Variants in WIPF1 observed in about 807,000 individuals in gnomAD.
WIPF1 encodes WAS/WASL-interacting protein family member 1.
Under a neutral mutation model 35.4 loss-of-function variants are expected in WIPF1, and 13 were observed. The observed-to-expected ratio is 0.37, with a 90% CI of 0.24 to 0.58. The LOEUF is 0.58. Ranked by LOEUF, WIPF1 falls within the 20% of genes least tolerant of loss-of-function variation. WIPF1 has a pLI of 0.74. For missense variants in WIPF1, 591 were observed against 667.0 expected (o/e 0.89, Z 1.25); for synonymous variants, 267 against 266.3 (o/e 1.00, Z -0.02).
chr2:174,564,958 C>T (rs1184319595), intron 7 of WIPF1, among the ~76,000 whole-genome samples: 3 of 150,926 alleles, frequency 2.0e-5, no homozygotes, highest in Admixed American at 6.6e-5. Flanking sequence ...AGTGCAATGG[C>T]GACTTCTGCT....
chr2:174,582,336 G>A (rs774401665), intron 2 of WIPF1, among the ~76,000 whole-genome samples: 2 of 152,244 alleles, frequency 1.3e-5, no homozygotes, highest in Non-Finnish European at 2.9e-5. Flanking sequence ...GGACTTAGAT[G>A]TAGGCACCTG....
At chr2:174,668,086 C>T (rs889593451) in intron 1 of WIPF1, among the ~76,000 whole-genome samples, 5 of 152,196 alleles carry the variant, frequency 3.3e-5, no homozygotes, top group African/African-American at 7.2e-5. Context: ...TTTCCAGCTG[C>T]GTCTCTCACC....
chr2:174,572,030 C>A lies in WIPF1; in HGVS notation c.775G>T (p.Ala259Ser), dbSNP rs1318436983. The A allele has an allele frequency of 6.5e-7, 1 of 1,548,224 alleles. No individual in the cohort carries two copies. Among genetic ancestry groups the A allele is most frequent in the African/African-American group, 1.4e-5 (1 of 72,934 alleles). ...GGTGGAGGGGGTTTGTCATCCAAGG[C>A]CCTGCTGGGGGTAGGCGGCAGGGGA... Reference protein sequence around the residue: ...RPPLPPTPSRALDDKPPPPPP... With the variant: ...RPPLPPTPSRSLDDKPPPPPP... Residue 259 changes from alanine to serine, a missense_variant, in exon 5 of 8, where the codon GCC (alanine) becomes TCC (serine). Ala to Ser is a moderately conservative substitution (Grantham distance 99). This residue lies in a region of WIPF1 where 471 missense variants were observed against 501.1 expected (regional missense o/e 0.94). Transcript: ENST00000679041.
chr2:174,564,267 A>G (rs1176912943), intron 7 of WIPF1, among the ~76,000 whole-genome samples: 1 of 152,184 alleles, frequency 6.6e-6, no homozygotes. Flanking sequence ...TGCTGGAAAT[A>G]TTTAAGGCAA....
In WIPF1 at chr2:174,608,342, C is replaced by T. The variant is rs769393592; in HGVS notation, c.-38-22731G>A. ...AGTACCCTAGATGCTGAGGACACAG[C>T]GTGGAAGTTCACCTCTCCATGCTGA... is the stretch of plus-strand genomic sequence containing the variant. On this transcript the variant is annotated intron_variant, in intron 1 of 8. Transcript: ENST00000272746. 7.2e-5 allele frequency among the ~76,000 whole-genome samples: 11 copies of T among 152,268 alleles called. No individual in the cohort carries two copies. In the East Asian group the frequency reaches 1.3e-3, roughly 19 times the overall value.
At chr2:174,644,881 C>G (rs964806699) in intron 1 of WIPF1, among the ~76,000 whole-genome samples, 2 of 152,060 alleles carry the variant, frequency 1.3e-5, no homozygotes, top group African/African-American at 4.8e-5. Context: ...AAATGAAGTA[C>G]TTTTCAATTT....
At chr2:174,643,582 T>C (rs918431596) in intron 1 of WIPF1, among the ~76,000 whole-genome samples, 4 of 148,890 alleles carry the variant, frequency 2.7e-5, no homozygotes, top group Non-Finnish European at 1.5e-5. Flanking sequence ...TGGCTAATTT[T>C]TGTATTTTTA....
At chr2:174,677,893 G>A (rs1688169875) in intron 1 of WIPF1, among the ~76,000 whole-genome samples, 1 of 152,146 alleles carries the variant, frequency 6.6e-6, no homozygotes, top group African/African-American at 2.4e-5. Context: ...GGTTAAAGGT[G>A]CGATGCTTGG....
chr2:174,662,567 C>T (rs569113424), intron 1 of WIPF1, among the ~76,000 whole-genome samples: 1 of 152,198 alleles, frequency 6.6e-6, no homozygotes, highest in Non-Finnish European at 1.5e-5. Context: ...CTAATCTGAG[C>T]CCCCTGAAAT....
At chr2:174,679,680 AC>A (rs1688210755) in intron 1 of WIPF1, among the ~76,000 whole-genome samples, 1 of 152,218 alleles carries the variant, frequency 6.6e-6, no homozygotes, top group African/African-American at 2.4e-5. Context: ...GGATTAGCAT[AC>A]TAGTTAAAGT....
rs1163962346 is a variant in WIPF1 at position 174,562,136 on chromosome 2, T to C, written c.*411A>G. 6 of 1,550,548 alleles carry C rather than the reference T, an allele frequency of 3.9e-6. No individual in the cohort carries two copies. The highest frequency in any genetic ancestry group is 2.0e-5 in the Admixed American group (1 of 50,994). On this transcript the variant is annotated 3_prime_UTR_variant, in exon 8 of 8. Coordinates refer to ENST00000679041, the MANE Select transcript of WIPF1 (RefSeq NM_001375834.1). ...GCTTGCTTAGGTGGTCTGTGGTTCA[T>C]AGAAACAGAGAGGAGGCCAAGCATG...
intron 1 of WIPF1, among the ~76,000 whole-genome samples, chr2:174,669,372 TC>T (rs1395218777): frequency 1.3e-5 from 2 of 152,238 alleles, no homozygotes; most frequent in Non-Finnish European, 2.9e-5. Flanking sequence ...GTCAATAGTT[TC>T]CCAGAATTCT....
chr2:174,660,584 G>A (rs538735234), intron 1 of WIPF1, among the ~76,000 whole-genome samples: 2 of 152,198 alleles, frequency 1.3e-5, no homozygotes, highest in South Asian at 2.1e-4. Context: ...TGGAGAATGT[G>A]TTGGGTCTCG....
At chr2:174,641,328 T>G (rs1295985178) in intron 1 of WIPF1, among the ~76,000 whole-genome samples, 2 of 152,210 alleles carry the variant, frequency 1.3e-5, no homozygotes, top group African/African-American at 4.8e-5. Context: ...GCTGAGGGGT[T>G]GCAAGAATGG....
chr2:174,583,756 A>G (rs1685310351), intron 2 of WIPF1, among the ~76,000 whole-genome samples: 1 of 152,212 alleles, frequency 6.6e-6, no homozygotes, highest in South Asian at 2.1e-4. Flanking sequence ...TGGATAAATG[A>G]ATCCTGCTAT....
chr2:174,593,845 T>C (rs1685710553), intron 1 of WIPF1, among the ~76,000 whole-genome samples: 1 of 152,228 alleles, frequency 6.6e-6, no homozygotes, highest in Admixed American at 6.5e-5. Context: ...GGTTCGTTTC[T>C]ATTATTGCTA....
At chr2:174,679,527 C>T (rs1203209300) in intron 1 of WIPF1, among the ~76,000 whole-genome samples, 1 of 151,910 alleles carries the variant, frequency 6.6e-6, no homozygotes, top group Non-Finnish European at 1.5e-5. Flanking sequence ...TGGGACTGGC[C>T]CATGCTTTAC....
chr2:174,677,765 G>A (rs767918646), intron 1 of WIPF1, among the ~76,000 whole-genome samples: 1 of 152,222 alleles, frequency 6.6e-6, no homozygotes, highest in South Asian at 2.1e-4. Context: ...CAAATGAAGA[G>A]AAGGGGCAGT....
At chr2:174,663,552 A>G (rs1425110035) in intron 1 of WIPF1, among the ~76,000 whole-genome samples, 1 of 140,336 alleles carries the variant, frequency 7.1e-6, no homozygotes, top group Non-Finnish European at 1.5e-5. Flanking sequence ...TGGCCTCAGG[A>G]GAGAAGCAGT....
Sources: gnomAD v4.1 joint callset for allele counts (sites outside exome capture counted in the v4.1 genomes callset) on GRCh38, gnomAD v4.1.1 for gene constraint, gnomAD v4.1.1 regional missense constraint, MANE v1.5 for transcripts, NCBI Gene and HGNC (gene_info 2026-07-23, HGNC 2026-07-21) for gene names.